The following LAMB1 variants were observed in gnomAD, a reference collection of about 807,000 sequenced individuals.
LAMB1 encodes laminin subunit beta-1.
In LAMB1, 121 loss-of-function variants were observed where a neutral mutation model predicts 222.3. The observed-to-expected ratio is 0.54, with a 90% CI of 0.47 to 0.63. LAMB1 has a LOEUF of 0.63. Among genes scored for constraint, LAMB1 ranks in the 30% least tolerant of loss-of-function variants. The pLI, the probability that LAMB1 is intolerant of heterozygous loss-of-function variation, is 0.00. For synonymous variants in LAMB1, 794 were observed against 807.2 expected, an observed-to-expected ratio of 0.98 and a Z score of 0.28; for missense variants, 2,172 against 2,240.8, an observed-to-expected ratio of 0.97 and a Z score of 0.62.
intron 8 of LAMB1, 90 bp from the exon 9 acceptor site, chr7:107,978,257 T>C: frequency 1.4e-6 from 2 of 1,402,446 alleles, no homozygotes; most frequent in Non-Finnish European, 2.0e-6. Flanking sequence ...TAAAACCCTT[T>C]TTCATACTAA....
At chr7:107,964,506 C>T (rs111947085) in intron 14 of LAMB1, 46 bp downstream of exon 14, 1 of 1,611,880 alleles carries the variant, frequency 6.2e-7, no homozygotes, top group African/African-American at 1.3e-5. Flanking sequence ...TTCCACTACA[C>T]CCCAAAACAC....
chr7:107,927,967 G>C (rs115846011), intron 31 of LAMB1, among the ~76,000 whole-genome samples: 1 of 152,148 alleles, frequency 6.6e-6, no homozygotes, highest in Non-Finnish European at 1.5e-5. Flanking sequence ...TGCTGGGTAT[G>C]GGAGCATTTA....
chr7:107,958,897 C>T (rs373836130), intron 20 of LAMB1, among the ~76,000 whole-genome samples: 5 of 152,174 alleles, frequency 3.3e-5, no homozygotes, highest in African/African-American at 7.2e-5. Flanking sequence ...TTTCTCCTTT[C>T]GCCTAAATTA....
At position 107,989,737 on chromosome 7, in the gene LAMB1, G is replaced by A. The variant is rs530652098; in HGVS notation, c.424-3374C>T. ...GCTGGGAGGCTTGGGGAGAGGAAGA[G>A]AGGGGAAGGTCTAATCGGACTTCTC... On this transcript the variant is annotated intron_variant, in intron 5 of 33. Coordinates refer to ENST00000222399, the MANE Select transcript of LAMB1 (RefSeq NM_002291.3). 3.3e-5 allele frequency among the ~76,000 whole-genome samples: 5 copies of A among 152,310 alleles called. No individual in the cohort carries two copies. In the South Asian group the frequency reaches 8.3e-4, roughly 25 times the overall value.
chr7:107,965,448 G>A (rs181743816), intron 13 of LAMB1, among the ~76,000 whole-genome samples: 150 of 152,158 alleles, frequency 9.9e-4, no homozygotes, highest in Non-Finnish European at 1.4e-3. Context: ...GCGTGGTGGC[G>A]CAGGCCTGTA....
intron 20 of LAMB1, among the ~76,000 whole-genome samples, chr7:107,956,566 C>T (rs1349966345): frequency 6.6e-6 from 1 of 152,238 alleles, no homozygotes; most frequent in African/African-American, 2.4e-5. Flanking sequence ...GCCTGCCTGT[C>T]CTGACCATTC....
At chr7:107,973,948 TTTTA>T (rs1285800143) in intron 12 of LAMB1, among the ~76,000 whole-genome samples, 1 of 152,138 alleles carries the variant, frequency 6.6e-6, no homozygotes, top group Non-Finnish European at 1.5e-5. Flanking sequence ...GCCCAGCCTA[TTTTA>T]TTTATGATTT....
rs780985246 is a variant in LAMB1 at position 107,924,390 on chromosome 7, C to CTA, written c.5065-3_5065-2dup. The stretch of plus-strand genomic sequence containing the variant: ...TTTCATCAAGTTCACCATCTAAAGT[C>CTA]TATAGTTCCACATTTAGACAGAAAG... On this transcript the variant is annotated splice_acceptor_variant, in intron 32 of 33. Transcript: ENST00000222399. LOFTEE classifies it high-confidence loss of function. 4 of 1,597,574 alleles carry CTA rather than the reference C, an allele frequency of 2.5e-6. No homozygotes were observed. The East Asian group carries it at 8.9e-5, about 36-fold the overall frequency.
At chr7:107,983,832 TACCATAC>T (rs1282889949) in intron 7 of LAMB1, among the ~76,000 whole-genome samples, 6 of 152,088 alleles carry the variant, frequency 3.9e-5, no homozygotes, top group Non-Finnish European at 7.4e-5. Context: ...TTCTTTTAAT[TACCATAC>T]ATGCCTCCCA....
At chr7:107,964,754 T>C (rs2033593518) in intron 13 of LAMB1, 67 bp from the exon 14 acceptor site, 3 of 1,576,490 alleles carry the variant, frequency 1.9e-6, no homozygotes, top group South Asian at 2.3e-5. Context: ...CAGAAGCAGC[T>C]CTACAGCTGC....
chr7:107,932,041 C>A, intron 28 of LAMB1, 133 bp downstream of exon 28: 1 of 847,028 alleles, frequency 1.2e-6, no homozygotes, highest in East Asian at 2.4e-5. Context: ...GAAACATGAA[C>A]TTTCATATTT....
In LAMB1 at chr7:107,931,512, G is replaced by A. The variant is rs1481919732; in HGVS notation, c.4393-12C>T. ...TTTGCTTCAGAGACCTAAATATGAA[G>A]AATAAATTACCCAGGGAAGACTTTC... On this transcript the variant is annotated splice_polypyrimidine_tract_variant and intron_variant, in intron 28 of 33. Coordinates refer to ENST00000222399, the MANE Select transcript of LAMB1 (RefSeq NM_002291.3). The A allele has an allele frequency of 6.2e-7, 1 of 1,610,752 alleles. No homozygotes were observed. Among genetic ancestry groups the A allele is most frequent in the Non-Finnish European group, 8.5e-7 (1 of 1,178,574 alleles).
chr7:107,961,468 A>G, intron 16 of LAMB1, 81 bp downstream of exon 16: 1 of 1,580,588 alleles, frequency 6.3e-7, no homozygotes, highest in Non-Finnish European at 8.6e-7. Context: ...TGAAATGGTG[A>G]CTTGAAAACT....
intron 12 of LAMB1, 42 bp from the exon 13 acceptor site, chr7:107,973,113 A>G: frequency 4.0e-6 from 6 of 1,511,124 alleles, no homozygotes; most frequent in Non-Finnish European, 5.5e-6. Flanking sequence ...AGGTTTCTGT[A>G]ATTATGCAAC....
chr7:107,938,794 T>G (rs1312945534), intron 25 of LAMB1, among the ~76,000 whole-genome samples: 1 of 152,212 alleles, frequency 6.6e-6, no homozygotes, highest in Admixed American at 6.5e-5. Context: ...GCATTGTCAC[T>G]CTACATCAGA....
In LAMB1 at chr7:107,924,521, A is replaced by G. The variant is rs2032513464; in HGVS notation, c.5065-132T>C. 1.6e-5 allele frequency: 10 copies of G among 614,692 alleles called. No individual in the cohort carries two copies. In the East Asian group the frequency reaches 3.3e-4, roughly 20 times the overall value. 38.1% of individuals were successfully genotyped at this position (614,692 alleles called of 1,614,324 possible). ...AGGATATTCACTGGTAAGTAATTTA[A>G]AATTTTATCTTCAAACAGTGGAATT... On this transcript the variant is annotated intron_variant, in intron 32 of 33. Transcript: ENST00000222399.
chr7:107,955,741 T>C (rs2033362343), intron 20 of LAMB1, 111 bp from the exon 21 acceptor site: 1 of 958,002 alleles, frequency 1.0e-6, no homozygotes, highest in Non-Finnish European at 1.5e-6. Context: ...CCACTCCTCA[T>C]GTTTTCTTTG....
intron 7 of LAMB1, 49 bp from the exon 8 acceptor site, chr7:107,980,860 G>C: frequency 1.1e-6 from 1 of 917,440 alleles, no homozygotes; most frequent in South Asian, 1.6e-5. Flanking sequence ...CAAGCAAGAA[G>C]TTTTTTTTTT....
At chr7:107,964,454 A>G in intron 14 of LAMB1, 98 bp downstream of exon 14, 2 of 1,423,926 alleles carry the variant, frequency 1.4e-6, no homozygotes, top group Admixed American at 1.8e-5. Flanking sequence ...TGACAAAGCT[A>G]TAAAAATGCT....
Sources: gnomAD v4.1 joint callset for allele counts (sites outside exome capture counted in the v4.1 genomes callset) on GRCh38, gnomAD v4.1.1 for gene constraint, MANE v1.5 for transcripts, NCBI Gene and HGNC (gene_info 2026-07-23, HGNC 2026-07-21) for gene names.